CACNB1: variants seen among roughly 807,000 people sequenced by gnomAD.
CACNB1 encodes calcium voltage-gated channel auxiliary subunit beta 1, also known as voltage-dependent L-type calcium channel subunit beta-1.
Under a neutral mutation model 71.6 loss-of-function variants are expected in CACNB1, and 29 were observed. The ratio of observed to expected loss-of-function variants is 0.40; its 90% confidence interval spans 0.30 to 0.55. The LOEUF (loss-of-function observed/expected upper bound fraction) is 0.55. Among genes scored for constraint, CACNB1 ranks in the 20% least tolerant of loss-of-function variants. The probability of loss-of-function intolerance (pLI) is 0.38; values close to 1 mark genes in which losing one functional copy is unlikely to be tolerated. For synonymous variants in CACNB1, 300 were observed against 319.6 expected, an observed-to-expected ratio of 0.94 and a Z score of 0.65; for missense variants, 623 against 801.8, an observed-to-expected ratio of 0.78 and a Z score of 2.69.
intron 1 of CACNB1, among the ~76,000 whole-genome samples, chr17:39,196,496 C>T (rs2046202914): frequency 6.6e-6 from 1 of 152,128 alleles, no homozygotes; most frequent in African/African-American, 2.4e-5. Flanking sequence ...CCATCAGTCA[C>T]ATTATCATGG....
Position 39,186,647 on chromosome 17 carries a change from C to A in CACNB1, c.552-75G>T. The A allele has an allele frequency of 6.6e-7, 1 of 1,514,712 alleles. No individual in the cohort carries two copies. Among genetic ancestry groups the A allele is most frequent in the Non-Finnish European group, 9.1e-7 (1 of 1,097,898 alleles). The allele number at this position is 1,514,712 out of a possible 1,614,324, so 93.8% of individuals were successfully genotyped here. On this transcript the variant is annotated intron_variant, in intron 5 of 13. Transcript: ENST00000394303. This position sits in a 1 kb window ranked among gnomAD's most constrained non-coding sequence, Gnocchi z 4.1. The stretch of plus-strand genomic sequence containing the variant: ...GGGGCTCTCATCCTCTCACATGCGG[C>A]ACCCCCGGAGGTGCTCCAGCCCCAC...
At position 39,175,764 on chromosome 17, in the gene CACNB1, A is replaced by G; in HGVS notation, c.1333-107T>C. On this transcript the variant is annotated intron_variant, in intron 13 of 13. Coordinates refer to ENST00000394303, the MANE Select transcript of CACNB1 (RefSeq NM_000723.5). This position sits in a 1 kb window ranked among gnomAD's most constrained non-coding sequence, Gnocchi z 4.7. ...AGCATTAAGAGGTCCGGCCTGGATG[A>G]AGAGGGTGCTGGCTCTAGAGGAGGG... The G allele has an allele frequency of 1.1e-6, 1 of 930,176 alleles. No homozygotes were observed. The highest frequency in any genetic ancestry group is 2.8e-5 in the Admixed American group (1 of 35,170). 57.6% of individuals were successfully genotyped at this position (930,176 alleles called of 1,614,324 possible). A position where few individuals can be genotyped will look rare whatever the true frequency, so the allele number is the denominator to read the frequency against.
At chr17:39,195,934 A>T (rs1248837260) in intron 1 of CACNB1, among the ~76,000 whole-genome samples, 1 of 152,192 alleles carries the variant, frequency 6.6e-6, no homozygotes, top group Non-Finnish European at 1.5e-5. Context: ...CCATTCAGGA[A>T]GCCACACGTT....
intron 11 of CACNB1, among the ~76,000 whole-genome samples, chr17:39,179,595 A>C (rs80292764): frequency 2.0e-5 from 3 of 150,518 alleles, no homozygotes; most frequent in Non-Finnish European, 4.4e-5. Flanking sequence ...AAAAAAAAGA[A>C]AGAAAGAAAG....
intron 6 of CACNB1, 40 bp from the exon 7 acceptor site, chr17:39,185,190 AGAGGGAAGGGG>A: frequency 6.3e-7 from 1 of 1,576,408 alleles, no homozygotes; most frequent in Non-Finnish European, 8.7e-7. Flanking sequence ...GGGGGAGGAG[AGAGGGAAGGGG>A]ACCCAGGCAG....
chr17:39,179,016 G>T (rs1180930515), intron 11 of CACNB1, among the ~76,000 whole-genome samples: 1 of 152,152 alleles, frequency 6.6e-6, no homozygotes, highest in Non-Finnish European at 1.5e-5. Context: ...TATACTGGCT[G>T]GGTGCGGTGG....
intron 11 of CACNB1, among the ~76,000 whole-genome samples, chr17:39,179,589 AAAAG>A (rs984507016): frequency 1.4e-3 from 206 of 150,072 alleles, no homozygotes; most frequent in Admixed American, 5.3e-3. Flanking sequence ...AAAAAAAAAA[AAAAG>A]AAAGAAAGAA....
At chr17:39,195,315 G>A (rs755320871) in intron 1 of CACNB1, 21 of 211,450 alleles carry the variant, frequency 9.9e-5, no homozygotes, top group South Asian at 2.0e-4. Flanking sequence ...TGGGCAGGCT[G>A]CAGAGGCCTC....
In CACNB1 at chr17:39,187,605, G is replaced by C. The variant is rs766765217; in HGVS notation, c.292-4C>G. The C allele has an allele frequency of 6.2e-7, 1 of 1,614,074 alleles. No individual in the cohort carries two copies. Among genetic ancestry groups the C allele is most frequent in the African/African-American group, 1.3e-5 (1 of 74,930 alleles). ...CAGCAAATGCCACTGGCTTGGTCTA[G>C]AGGAGGCACACAGGGGAGGATGGCA... On this transcript the variant is annotated splice_polypyrimidine_tract_variant and splice_region_variant and intron_variant, in intron 3 of 13. Transcript: ENST00000394303.
At chr17:39,184,891 C>A (rs1049110890) in intron 7 of CACNB1, 27 bp from the exon 8 acceptor site, 2 of 1,438,948 alleles carry the variant, frequency 1.4e-6, no homozygotes, top group African/African-American at 2.8e-5. Context: ...GGAGGGGAAA[C>A]CCCAGAGTGG....
In CACNB1 at chr17:39,186,044, G is replaced by A. The variant is rs1420665847; in HGVS notation, c.628+452C>T. Reference sequence around the variant, plus strand: ...AGAGCCACTCTGCTCACCAAGCTCAGCCTCTTCCTCCTCTAACTCTAGGGG... The same window carrying A: ...AGAGCCACTCTGCTCACCAAGCTCAACCTCTTCCTCCTCTAACTCTAGGGG... On this transcript the variant is annotated intron_variant, in intron 6 of 13. Transcript: ENST00000394303. This position sits in a 1 kb window ranked among gnomAD's most constrained non-coding sequence, Gnocchi z 4.1. 1.9e-6 allele frequency: 3 copies of A among 1,614,040 alleles called. No homozygotes were observed. Among genetic ancestry groups the A allele is most frequent in the Non-Finnish European group, 2.5e-6 (3 of 1,179,958 alleles).
chr17:39,189,783 C>A (rs112994643), intron 3 of CACNB1, among the ~76,000 whole-genome samples: 103 of 151,462 alleles, frequency 6.8e-4, no homozygotes, highest in African/African-American at 2.4e-3. Flanking sequence ...CAGGCGTGAG[C>A]CACCGCACCC....
Position 39,197,601 on chromosome 17 carries a change from TC to T in CACNB1, c.-107del. ...GCAGCGCGGCGCAGCCAGCACCCGGTCCAGCCACCCAGCTCGGCCTTCGGCT... is the reference window on the plus strand; with the variant it reads ...GCAGCGCGGCGCAGCCAGCACCCGGTCAGCCACCCAGCTCGGCCTTCGGCT... On this transcript the variant is annotated 5_prime_UTR_variant, in exon 1 of 14. Coordinates refer to ENST00000394303, the MANE Select transcript of CACNB1 (RefSeq NM_000723.5). The T allele has an allele frequency of 1.2e-6, 1 of 816,024 alleles. No individual in the cohort carries two copies. Among genetic ancestry groups the T allele is most frequent in the Non-Finnish European group, 1.9e-6 (1 of 534,762 alleles). 50.5% of individuals were successfully genotyped at this position (816,024 alleles called of 1,614,324 possible). A position where few individuals can be genotyped will look rare whatever the true frequency, so the allele number is the denominator to read the frequency against.
At chr17:39,187,432 G>T in intron 4 of CACNB1, 47 bp downstream of exon 4, 1 of 1,610,148 alleles carries the variant, frequency 6.2e-7, no homozygotes, top group Middle Eastern at 1.7e-4. Context: ...CACTCTGGCT[G>T]CCTGTCTCCT....
Position 39,174,319 on chromosome 17 carries a change from AG to A in CACNB1, c.*873del, listed in dbSNP as rs2044202672. On this transcript the variant is annotated 3_prime_UTR_variant, in exon 14 of 14. Coordinates refer to ENST00000394303, the MANE Select transcript of CACNB1 (RefSeq NM_000723.5). Reference sequence around the variant, plus strand: ...CACGGGTCCTCTCCCCTGGGGCCTCAGGGTGAGGGTGAAGGAGCAGTTTTTT... The same window carrying A: ...CACGGGTCCTCTCCCCTGGGGCCTCAGGTGAGGGTGAAGGAGCAGTTTTTT... 6.5e-6 allele frequency: 1 copy of A among 152,694 alleles called. No individual in the cohort carries two copies. Among genetic ancestry groups the A allele is most frequent in the South Asian group, 2.1e-4 (1 of 4,830 alleles). 9.5% of individuals were successfully genotyped at this position (152,694 alleles called of 1,614,324 possible).
At chr17:39,188,620 A>G (rs192752108) in intron 3 of CACNB1, among the ~76,000 whole-genome samples, 116 of 152,316 alleles carry the variant, frequency 7.6e-4, no homozygotes, top group African/African-American at 2.5e-3. Flanking sequence ...TTCTCCATGT[A>G]TATTAACTTT....
Position 39,175,296 on chromosome 17 carries a change from C to G in CACNB1, c.1694G>C (p.Arg565Pro), listed in dbSNP as rs779856110. 1 of 1,614,202 alleles carries G rather than the reference C, an allele frequency of 6.2e-7. No homozygotes were observed. The highest frequency in any genetic ancestry group is 1.7e-5 in the Admixed American group (1 of 60,026). ...GCAGTAGCGGGCCTTATTCCGGCCC[C>G]GGTTCCGGTTGTCGGTCAGCTCTTC... ...YEEELTDNRN[R>P]GRNKARYCAE... Residue 565 changes from arginine (R) to proline (P), a missense_variant, in exon 14 of 14, where the codon CGG (arginine) becomes CCG (proline). Arg to Pro is a moderately radical substitution (Grantham distance 103, BLOSUM62 -2). Transcript: ENST00000394303. The surrounding 1 kb of genome is among the most constrained non-coding windows in gnomAD (Gnocchi z 4.7).
In CACNB1 at chr17:39,178,857, C is replaced by T. The variant is rs1027661083; in HGVS notation, c.1051-778G>A. On this transcript the variant is annotated intron_variant, in intron 11 of 13. Coordinates refer to ENST00000394303, the MANE Select transcript of CACNB1 (RefSeq NM_000723.5). ...AACAAGAACCATAATTATAATAATG[C>T]AAAACCGGAAACTAATCATGAGGAA... Among the ~76,000 whole-genome samples, 4 of 152,218 alleles carry T rather than the reference C, an allele frequency of 2.6e-5. No homozygotes were observed. The East Asian group carries it at 5.8e-4, about 22-fold the overall frequency.
At chr17:39,180,565 G>A (rs1247782899) in intron 11 of CACNB1, among the ~76,000 whole-genome samples, 1 of 151,390 alleles carries the variant, frequency 6.6e-6, no homozygotes, top group Non-Finnish European at 1.5e-5. Flanking sequence ...TGAGGCAGGA[G>A]AATCACTTGA....
Sources: allele counts gnomAD v4.1 joint callset (sites outside exome capture counted in the v4.1 genomes callset), GRCh38; gene constraint gnomAD v4.1.1; non-coding constraint Gnocchi (gnomAD v3.1); transcripts MANE v1.5; gene names NCBI Gene and HGNC (gene_info 2026-07-23, HGNC 2026-07-21).